The following SLC35A1 variants were observed in gnomAD, a reference collection of about 807,000 sequenced individuals.
SLC35A1 encodes the protein solute carrier family 35 member A1, also known as CMP-sialic acid transporter.
In SLC35A1, 21 loss-of-function variants were observed where a neutral mutation model predicts 40.3. The ratio of observed to expected loss-of-function variants is 0.52; its 90% CI spans 0.37 to 0.75. The LOEUF (loss-of-function observed/expected upper bound fraction) is 0.75. Ranked by LOEUF, SLC35A1 falls within the 30% of genes least tolerant of loss-of-function variation. The pLI is 0.00. For missense variants in SLC35A1, 297 were observed against 382.1 expected, an observed-to-expected ratio of 0.78 and a Z score of 1.86; for synonymous variants, 146 against 147.3, an observed-to-expected ratio of 0.99 and a Z score of 0.06.
At chr6:87,506,284 A>C in intron 4 of SLC35A1, 98 bp from the exon 5 acceptor site, 2 of 920,174 alleles carry the variant, frequency 2.2e-6, no homozygotes, top group Non-Finnish European at 3.6e-6. Context: ...ATATACTTTT[A>C]GTAAGACTGT....
chr6:87,487,246 A>G (rs1322130770), intron 2 of SLC35A1, among the ~76,000 whole-genome samples: 2 of 152,208 alleles, frequency 1.3e-5, no homozygotes, highest in Non-Finnish European at 2.9e-5. Flanking sequence ...CCATGTTGAG[A>G]GTCACTTTGA....
At chr6:87,505,690 G>T (rs753882753) in intron 4 of SLC35A1, among the ~76,000 whole-genome samples, 6 of 152,184 alleles carry the variant, frequency 3.9e-5, no homozygotes, top group Non-Finnish European at 7.3e-5. Flanking sequence ...ACAGAGGGAA[G>T]TGGGCTGAAC....
chr6:87,499,431 T>TATA (rs1472741082), intron 2 of SLC35A1, among the ~76,000 whole-genome samples: 6 of 152,210 alleles, frequency 3.9e-5, no homozygotes, highest in South Asian at 2.1e-4. Flanking sequence ...TGGTGCTTAT[T>TATA]ATAAAACATT....
intron 5 of SLC35A1, 87 bp from the exon 6 acceptor site, chr6:87,508,333 A>G (rs997638320): frequency 1.3e-5 from 11 of 862,944 alleles, no homozygotes; most frequent in African/African-American, 3.4e-5. Context: ...TATACTTTAT[A>G]TATCTCTAGG....
chr6:87,495,581 T>G (rs1769701540), intron 2 of SLC35A1, among the ~76,000 whole-genome samples: 1 of 152,166 alleles, frequency 6.6e-6, no homozygotes, highest in Admixed American at 6.5e-5. Context: ...AAAAATCATG[T>G]CCCTCATATG....
In SLC35A1 at chr6:87,506,399, A is replaced by G. The variant is rs1478622775; in HGVS notation, c.525A>G (p.Leu175=). 1.2e-6 allele frequency: 2 copies of G among 1,613,314 alleles called. No homozygotes were observed. The highest frequency in any genetic ancestry group is 1.7e-6 in the Non-Finnish European group (2 of 1,179,460). Residue 175 remains leucine (L), a synonymous_variant, in exon 5 of 8, where the codon TTA becomes TTG. Coordinates refer to ENST00000369552, the MANE Select transcript of SLC35A1 (RefSeq NM_006416.5). The part of the protein sequence containing the change: ...ATKVVVEQNP[L]LGFGAIAIAV... ...TATTGCAGGTGGAACAAAATCCATTATTAGGGTTTGGCGCTATAGCTATTG... is the reference window on the plus strand; with the variant it reads ...TATTGCAGGTGGAACAAAATCCATTGTTAGGGTTTGGCGCTATAGCTATTG...
chr6:87,494,716 C>T (rs979313746), intron 2 of SLC35A1, among the ~76,000 whole-genome samples: 1 of 152,178 alleles, frequency 6.6e-6, no homozygotes, highest in Non-Finnish European at 1.5e-5. Context: ...TGGGCCACTG[C>T]ACCCGGCCAA....
chr6:87,505,964 T>C (rs1770068541), intron 4 of SLC35A1, among the ~76,000 whole-genome samples: 1 of 152,216 alleles, frequency 6.6e-6, no homozygotes, highest in Admixed American at 6.5e-5. Flanking sequence ...GAGGCAGCAC[T>C]GTATCCTGTA....
chr6:87,486,919 A>G (rs1769407871), intron 2 of SLC35A1, among the ~76,000 whole-genome samples: 1 of 152,070 alleles, frequency 6.6e-6, no homozygotes, highest in Admixed American at 6.6e-5. Context: ...GCTCACACCT[A>G]TAATCTCAGC....
At chr6:87,501,834 C>T (rs1445732528) in intron 4 of SLC35A1, among the ~76,000 whole-genome samples, 1 of 152,108 alleles carries the variant, frequency 6.6e-6, no homozygotes, top group African/African-American at 2.4e-5. Context: ...TGATAATTAT[C>T]TTTAGTTTTT....
chr6:87,483,389 G>A (rs192820366), intron 2 of SLC35A1, among the ~76,000 whole-genome samples: 1 of 152,126 alleles, frequency 6.6e-6, no homozygotes, highest in African/African-American at 2.4e-5. Flanking sequence ...GGGGAGTTCT[G>A]AATATTTTTC....
chr6:87,508,733 T>G, intron 6 of SLC35A1, 137 bp downstream of exon 6: 1 of 904,190 alleles, frequency 1.1e-6, no homozygotes, highest in Non-Finnish European at 1.7e-6. Context: ...AATTTTCATT[T>G]TGTTGACTTA....
intron 3 of SLC35A1, 21 bp downstream of exon 3, chr6:87,500,688 T>C: frequency 1.2e-6 from 2 of 1,612,380 alleles, no homozygotes; most frequent in Non-Finnish European, 1.7e-6. Context: ...TTAATGATAA[T>C]GAAAAGCACA....
At chr6:87,479,648 TG>T (rs1248793770) in intron 2 of SLC35A1, among the ~76,000 whole-genome samples, 1 of 152,242 alleles carries the variant, frequency 6.6e-6, no homozygotes, top group Non-Finnish European at 1.5e-5. Flanking sequence ...GCTAATATCA[TG>T]TCTAAGGCTA....
At chr6:87,505,051 A>C (rs1270921209) in intron 4 of SLC35A1, among the ~76,000 whole-genome samples, 2 of 152,190 alleles carry the variant, frequency 1.3e-5, no homozygotes, top group Non-Finnish European at 2.9e-5. Flanking sequence ...GTAGAGCCTG[A>C]CAGTTTTTAT....
At chr6:87,511,255 G>GGA in intron 7 of SLC35A1, 144 bp from the exon 8 acceptor site, 1 of 843,388 alleles carries the variant, frequency 1.2e-6, no homozygotes, top group Admixed American at 2.2e-5. Flanking sequence ...TGGCTGTAAT[G>GGA]GAAGACCTTT....
At chr6:87,508,664 T>C in intron 6 of SLC35A1, 68 bp downstream of exon 6, 1 of 1,190,420 alleles carries the variant, frequency 8.4e-7, no homozygotes, top group Non-Finnish European at 1.2e-6. Flanking sequence ...ATGTCCATTT[T>C]AAGCTGTTAT....
At chr6:87,500,749 A>AT (rs34275744) in intron 3 of SLC35A1, 82 bp downstream of exon 3, 129,074 of 1,073,012 alleles carry the variant, frequency 0.12, 126 homozygotes, top group South Asian at 0.13. Flanking sequence ...CATATTATCA[A>AT]TTTTTTTTTT....
At position 87,512,045 on chromosome 6, in the gene SLC35A1, C is replaced by CTGAA. The variant is rs10681831; in HGVS notation, c.*521_*522insAATG. ...CAAGACAGGCTAGTTCATAAACAAA[C>CTGAA]TGTGTAACTTCTCAAAATGAATCTA... On this transcript the variant is annotated 3_prime_UTR_variant, in exon 8 of 8. Transcript: ENST00000369552. The CTGAA allele has an allele frequency of 0.5, 58,872 of 117,858 alleles. 13,665 individuals are homozygous for CTGAA. The highest frequency in any genetic ancestry group is 0.73 in the African/African-American group (27,937 of 38,500). The allele number at this position is 117,858 out of a possible 1,614,324, so 7.3% of individuals were successfully genotyped here. A position where few individuals can be genotyped will look rare whatever the true frequency, so the allele number is the denominator to read the frequency against.
Sources: gnomAD v4.1 joint callset for allele counts (sites outside exome capture counted in the v4.1 genomes callset) on GRCh38, gnomAD v4.1.1 for gene constraint, MANE v1.5 for transcripts, NCBI Gene and HGNC (gene_info 2026-07-23, HGNC 2026-07-21) for gene names.